Variants in CERKL observed in about 807,000 individuals in gnomAD.
CERKL encodes ceramide kinase-like protein.
In CERKL, 61 loss-of-function variants were observed where a neutral mutation model predicts 63.4. The observed-to-expected ratio is 0.96, with a 90% CI of 0.78 to 1.19. The LOEUF (loss-of-function observed/expected upper bound fraction) is 1.19, where lower values mean the gene tolerates loss of function less well. Ranked by LOEUF, CERKL falls within the 50% of genes most tolerant of loss-of-function variation. The pLI is 0.00. For synonymous variants in CERKL, 250 were observed against 230.5 expected (o/e 1.08, Z -0.77); for missense variants, 675 against 655.5 (o/e 1.03, Z -0.33).
At chr2:181,541,900 T>C (rs1687521659) in intron 11 of CERKL, among the ~76,000 whole-genome samples, 1 of 152,218 alleles carries the variant, frequency 6.6e-6, no homozygotes, top group Non-Finnish European at 1.5e-5. Flanking sequence ...GTAGACATGT[T>C]GGCCTCCAGA....
chr2:181,557,302 C>T (rs959067942), intron 5 of CERKL, among the ~76,000 whole-genome samples: 24 of 152,014 alleles, frequency 1.6e-4, no homozygotes, highest in Non-Finnish European at 2.9e-4. Context: ...GTTTTAGACA[C>T]GAAGTCCTTG....
intron 4 of CERKL, among the ~76,000 whole-genome samples, chr2:181,561,042 C>G (rs146357146): frequency 1.3e-5 from 2 of 152,104 alleles, no homozygotes; most frequent in African/African-American, 2.4e-5. Flanking sequence ...CTATTCAGGT[C>G]ATAACAGGAA....
At chr2:181,594,454 T>TG (rs1685118227) in intron 2 of CERKL, among the ~76,000 whole-genome samples, 1 of 152,052 alleles carries the variant, frequency 6.6e-6, no homozygotes, top group Non-Finnish European at 1.5e-5. Context: ...AAACAAGAGA[T>TG]GGGGGGCATT....
chr2:181,600,484 T>C (rs1372420001), intron 2 of CERKL, among the ~76,000 whole-genome samples: 2 of 151,996 alleles, frequency 1.3e-5, no homozygotes, highest in African/African-American at 4.8e-5. Flanking sequence ...TCACATGTAA[T>C]GACAACCATG....
intron 1 of CERKL, among the ~76,000 whole-genome samples, chr2:181,638,745 C>A (rs1444967592): frequency 6.6e-6 from 1 of 152,226 alleles, no homozygotes; most frequent in Non-Finnish European, 1.5e-5. Flanking sequence ...TGTGACAGCA[C>A]AGCTGAAGTT....
At chr2:181,652,741 A>G (rs182606299) in intron 1 of CERKL, among the ~76,000 whole-genome samples, 197 of 151,868 alleles carry the variant, frequency 1.3e-3, no homozygotes, top group Non-Finnish European at 2.0e-3. Context: ...AATCCAAAAT[A>G]TATAAGAAAA....
chr2:181,604,336 G>A (rs1685588513), intron 1 of CERKL, among the ~76,000 whole-genome samples: 1 of 152,014 alleles, frequency 6.6e-6, no homozygotes, highest in African/African-American at 2.4e-5. Flanking sequence ...TTACTAGTAA[G>A]AAATAAAAAT....
At chr2:181,610,864 T>C (rs1204498281) in intron 1 of CERKL, among the ~76,000 whole-genome samples, 1 of 152,202 alleles carries the variant, frequency 6.6e-6, no homozygotes, top group African/African-American at 2.4e-5. Context: ...ATACCTGGTT[T>C]TGATCCAGCA....
intron 11 of CERKL, among the ~76,000 whole-genome samples, chr2:181,543,751 G>A (rs1466137451): frequency 1.3e-5 from 2 of 152,072 alleles, no homozygotes; most frequent in Non-Finnish European, 2.9e-5. Flanking sequence ...TTGGGAGGCC[G>A]AGGTGGACAC....
chr2:181,610,522 A>G (rs1179434777), intron 1 of CERKL, among the ~76,000 whole-genome samples: 1 of 152,226 alleles, frequency 6.6e-6, no homozygotes, highest in African/African-American at 2.4e-5. Flanking sequence ...GAATGGTTGA[A>G]TAAATCATAG....
At chr2:181,602,634 T>A (rs576554829) in intron 2 of CERKL, among the ~76,000 whole-genome samples, 44 of 152,308 alleles carry the variant, frequency 2.9e-4, no homozygotes, top group African/African-American at 1.0e-3. Context: ...CTTCAGCTCA[T>A]CTCGCATGAG....
At position 181,628,117 on chromosome 2, in the gene CERKL, C is replaced by A. The variant is rs532326963; in HGVS notation, c.239-24038G>T. ...TTTGTGTTAAAAAAAAATTAGATGA[C>A]CTTGGTAGTAATCAGCTATTTAGAC... On this transcript the variant is annotated intron_variant, in intron 1 of 12. Transcript: ENST00000410087. Among the ~76,000 whole-genome samples, 16 of 152,206 alleles carry A rather than the reference C, an allele frequency of 1.1e-4. No homozygotes were observed. In the South Asian group the frequency reaches 2.9e-3, roughly 28 times the overall value.
In CERKL at chr2:181,656,696, G is replaced by A. The variant is rs577373367; in HGVS notation, c.238+73C>T. On this transcript the variant is annotated intron_variant, in intron 1 of 12. Coordinates refer to ENST00000410087, the MANE Select transcript of CERKL (RefSeq NM_201548.5). ...AGGGGAGGGTGGAGCAAAAGCTCGT[G>A]GGTGTAGGCCTTGGGCCGGGGAGAG... is the stretch of plus-strand genomic sequence containing the variant. 4.3e-5 allele frequency: 54 copies of A among 1,259,468 alleles called. No homozygotes were observed. The East Asian group carries it at 1.0e-3, about 24-fold the overall frequency. 78.0% of individuals were successfully genotyped at this position (1,259,468 alleles called of 1,614,324 possible).
intron 1 of CERKL, among the ~76,000 whole-genome samples, chr2:181,644,995 G>T (rs1016194517): frequency 6.6e-6 from 1 of 152,138 alleles, no homozygotes; most frequent in East Asian, 1.9e-4. Context: ...CTTATGCCAT[G>T]TTGAAGAGTG....
intron 1 of CERKL, among the ~76,000 whole-genome samples, chr2:181,625,524 G>T (rs1267112603): frequency 1.3e-5 from 2 of 152,184 alleles, no homozygotes; most frequent in South Asian, 2.1e-4. Flanking sequence ...GAATTTGATA[G>T]CAAGTATACC....
chr2:181,654,078 C>G (rs1158963612), intron 1 of CERKL, among the ~76,000 whole-genome samples: 1 of 151,566 alleles, frequency 6.6e-6, no homozygotes, highest in Non-Finnish European at 1.5e-5. Context: ...GTTATTAGAC[C>G]AGCTGTTGGA....
Position 181,603,836 on chromosome 2 carries a change from C to T in CERKL, c.481+1G>A. 2 of 1,613,086 alleles carry T rather than the reference C, an allele frequency of 1.2e-6. No homozygotes were observed. The highest frequency in any genetic ancestry group is 1.7e-6 in the Non-Finnish European group (2 of 1,179,402). Reference sequence around the variant, plus strand: ...TAAAATTTCCCATGAGGAGTACTTACCTGCCAATATTTTCTTGAACTGTCT... The same window carrying T: ...TAAAATTTCCCATGAGGAGTACTTATCTGCCAATATTTTCTTGAACTGTCT... On this transcript the variant is annotated splice_donor_variant, in intron 2 of 12. Coordinates refer to ENST00000410087, the MANE Select transcript of CERKL (RefSeq NM_201548.5). LOFTEE classifies it high-confidence loss of function.
intron 1 of CERKL, among the ~76,000 whole-genome samples, chr2:181,651,845 G>C (rs142166915): frequency 6.7e-4 from 101 of 150,474 alleles, no homozygotes; most frequent in African/African-American, 2.3e-3. Flanking sequence ...AAAATCAGTA[G>C]CATTTCTATA....
At chr2:181,627,959 C>A (rs1355955255) in intron 1 of CERKL, among the ~76,000 whole-genome samples, 2 of 152,154 alleles carry the variant, frequency 1.3e-5, no homozygotes, top group Non-Finnish European at 2.9e-5. Flanking sequence ...TTTATAAAAT[C>A]ATCATCAACA....
Sources: allele counts gnomAD v4.1 joint callset (sites outside exome capture counted in the v4.1 genomes callset), GRCh38; gene constraint gnomAD v4.1.1; transcripts MANE v1.5; gene names NCBI Gene and HGNC (gene_info 2026-07-23, HGNC 2026-07-21).